Variants in ACVR1 observed in about 807,000 individuals in gnomAD.
ACVR1 encodes activin receptor type-1.
In ACVR1, 38 loss-of-function variants were observed where a neutral mutation model predicts 57.1. The observed-to-expected ratio is 0.67, with a 90% confidence interval of 0.51 to 0.87. ACVR1 has a LOEUF of 0.87. ACVR1 is among the 40% of genes least tolerant of loss of function. The pLI is 0.00. For synonymous variants in ACVR1, 212 were observed against 228.1 expected (o/e 0.93, Z 0.63); for missense variants, 463 against 638.2 (o/e 0.73, Z 2.96).
At chr2:157,756,180 A>C (rs747491011) in intron 9 of ACVR1, among the ~76,000 whole-genome samples, 4 of 152,146 alleles carry the variant, frequency 2.6e-5, no homozygotes, top group Non-Finnish European at 5.9e-5. Context: ...TGGATCAAGG[A>C]CTTAAATCTA....
chr2:157,751,624 T>G (rs1241163336), intron 9 of ACVR1, among the ~76,000 whole-genome samples: 1 of 152,158 alleles, frequency 6.6e-6, no homozygotes, highest in East Asian at 1.9e-4. Flanking sequence ...GGGAGCACAG[T>G]GGGAGTGAGA....
intron 1 of ACVR1, among the ~76,000 whole-genome samples, chr2:157,830,265 G>A (rs898603979): frequency 6.6e-6 from 1 of 152,068 alleles, no homozygotes; most frequent in African/African-American, 2.4e-5. Context: ...GATAATAAAT[G>A]ATGTACCCTG....
At chr2:157,793,447 T>C (rs570020423) in intron 3 of ACVR1, among the ~76,000 whole-genome samples, 3 of 152,346 alleles carry the variant, frequency 2.0e-5, no homozygotes, top group Non-Finnish European at 2.9e-5. Flanking sequence ...AAGGATGCTT[T>C]GTCACAGCTC....
intron 3 of ACVR1, among the ~76,000 whole-genome samples, chr2:157,785,274 A>G (rs543579308): frequency 6.6e-6 from 1 of 152,356 alleles, no homozygotes; most frequent in East Asian, 1.9e-4. Context: ...GTATAGCTAA[A>G]AAAGGAACTC....
intron 5 of ACVR1, among the ~76,000 whole-genome samples, chr2:157,774,960 G>A (rs1257833381): frequency 6.6e-6 from 1 of 152,130 alleles, no homozygotes; most frequent in East Asian, 1.9e-4. Flanking sequence ...CTAAGTATCT[G>A]TCAAATGATT....
At chr2:157,788,219 A>G (rs1686783726) in intron 3 of ACVR1, among the ~76,000 whole-genome samples, 2 of 152,066 alleles carry the variant, frequency 1.3e-5, no homozygotes, top group African/African-American at 4.8e-5. Context: ...AGTAGTCCCC[A>G]CTTATCCCCC....
intron 1 of ACVR1, among the ~76,000 whole-genome samples, chr2:157,837,271 GTCTT>G (rs1326288744): frequency 6.6e-6 from 1 of 152,148 alleles, no homozygotes; most frequent in Non-Finnish European, 1.5e-5. Context: ...CAAACAGCAT[GTCTT>G]TCTTTCCCTT....
chr2:157,866,113 T>C (rs1689921611), intron 1 of ACVR1, among the ~76,000 whole-genome samples: 2 of 152,182 alleles, frequency 1.3e-5, no homozygotes, highest in Admixed American at 6.5e-5. Context: ...TAGGAACTCA[T>C]ATTACTGTGC....
At chr2:157,811,437 T>C (rs1023204901) in intron 2 of ACVR1, among the ~76,000 whole-genome samples, 3 of 152,170 alleles carry the variant, frequency 2.0e-5, no homozygotes, top group Non-Finnish European at 4.4e-5. Flanking sequence ...GTTTATAAAA[T>C]TAATATTTAA....
At chr2:157,793,810 A>G (rs577650728) in intron 3 of ACVR1, among the ~76,000 whole-genome samples, 65 of 152,310 alleles carry the variant, frequency 4.3e-4, no homozygotes, top group Admixed American at 3.1e-3. Context: ...CCAGCAGCAA[A>G]GAGGGGCACC....
At chr2:157,751,728 C>T (rs1685199836) in intron 9 of ACVR1, among the ~76,000 whole-genome samples, 1 of 152,130 alleles carries the variant, frequency 6.6e-6, no homozygotes, top group Non-Finnish European at 1.5e-5. Flanking sequence ...GCAGAGGCAG[C>T]CATAATGCTG....
intron 1 of ACVR1, among the ~76,000 whole-genome samples, chr2:157,837,484 T>A (rs1274414408): frequency 3.3e-5 from 5 of 152,110 alleles, no homozygotes; most frequent in Admixed American, 6.6e-5. Flanking sequence ...GATGCTTTTT[T>A]AAAAAAAACT....
intron 1 of ACVR1, among the ~76,000 whole-genome samples, chr2:157,850,711 C>T (rs1468140406): frequency 6.6e-6 from 1 of 152,164 alleles, no homozygotes; most frequent in Non-Finnish European, 1.5e-5. Flanking sequence ...AATCTCAGCA[C>T]TTTGGGAGGC....
intron 7 of ACVR1, among the ~76,000 whole-genome samples, chr2:157,768,640 A>T (rs1288636816): frequency 6.6e-6 from 1 of 152,216 alleles, no homozygotes; most frequent in African/African-American, 2.4e-5. Flanking sequence ...TTAACTGTTT[A>T]TCTCTTAAGC....
chr2:157,771,185 T>TAA (rs1686058763), intron 6 of ACVR1, among the ~76,000 whole-genome samples: 1 of 152,232 alleles, frequency 6.6e-6, no homozygotes, highest in African/African-American at 2.4e-5. Context: ...CTTAAATACA[T>TAA]AATCCCAGAA....
intron 7 of ACVR1, among the ~76,000 whole-genome samples, chr2:157,766,449 T>C (rs1387170643): frequency 2.0e-5 from 3 of 152,222 alleles, no homozygotes; most frequent in Non-Finnish European, 4.4e-5. Context: ...ATATTTTACA[T>C]TCCTTAAGTT....
At chr2:157,864,219 A>AT (rs546464416) in intron 1 of ACVR1, among the ~76,000 whole-genome samples, 1,815 of 146,002 alleles carry the variant, frequency 0.012, 31 homozygotes, top group African/African-American at 0.042. Context: ...AATTTATATT[A>AT]TTTTTTTTTT....
intron 7 of ACVR1, among the ~76,000 whole-genome samples, chr2:157,767,244 G>A (rs1357037266): frequency 6.6e-6 from 1 of 151,998 alleles, no homozygotes; most frequent in Admixed American, 6.6e-5. Flanking sequence ...CGTTGGCCAC[G>A]CTGGTCTCAA....
At chr2:157,866,675 A>T (rs1187140070) in intron 1 of ACVR1, among the ~76,000 whole-genome samples, 12 of 152,222 alleles carry the variant, frequency 7.9e-5, no homozygotes, top group African/African-American at 2.7e-4. Context: ...CATAAGATAC[A>T]GGTGTCACCC....
Sources: gnomAD v4.1 joint callset for allele counts (sites outside exome capture counted in the v4.1 genomes callset) on GRCh38, gnomAD v4.1.1 for gene constraint, MANE v1.5 for transcripts, NCBI Gene and HGNC (gene_info 2026-07-23, HGNC 2026-07-21) for gene names.